ROBO2: variants seen among roughly 807,000 people sequenced by gnomAD.
ROBO2 encodes roundabout guidance receptor 2, also known as roundabout homolog 2.
Under a neutral mutation model 160.8 loss-of-function variants are expected in ROBO2, and 53 were observed. That is an observed-to-expected ratio of 0.33 (90% confidence interval 0.26 to 0.41). The LOEUF is 0.41. Among genes scored for constraint, ROBO2 ranks in the 10% least tolerant of loss-of-function variants. The probability of loss-of-function intolerance (pLI) is 1.00; values close to 1 mark genes in which losing one functional copy is unlikely to be tolerated. For missense variants in ROBO2, 1,577 were observed against 1,722.4 expected, an observed-to-expected ratio of 0.92 and a Z score of 1.49; for synonymous variants, 664 against 611.7, an observed-to-expected ratio of 1.09 and a Z score of -1.26.
At chr3:77,617,130 A>ATGC (rs10699107) in intron 21 of ROBO2, among the ~76,000 whole-genome samples, 1 of 151,836 alleles carries the variant, frequency 6.6e-6, no homozygotes, top group Non-Finnish European at 1.5e-5. Context: ...TTGGCATGTA[A>ATGC]TGGTGCACAA....
At chr3:76,302,369 C>A (rs946763334) in intron 2 of ROBO2, among the ~76,000 whole-genome samples, 4 of 152,032 alleles carry the variant, frequency 2.6e-5, no homozygotes, top group Admixed American at 1.3e-4. Context: ...GCAACAGTTG[C>A]ATCTGTTGTC....
intron 2 of ROBO2, among the ~76,000 whole-genome samples, chr3:77,014,343 C>G (rs982468017): frequency 6.6e-6 from 1 of 152,086 alleles, no homozygotes; most frequent in Non-Finnish European, 1.5e-5. Flanking sequence ...ACTAGAAGAC[C>G]CTGGTAAAAC....
At chr3:76,340,469 T>C (rs1293800371) in intron 2 of ROBO2, among the ~76,000 whole-genome samples, 1 of 152,120 alleles carries the variant, frequency 6.6e-6, no homozygotes. Context: ...ATAATATGAG[T>C]ATAAAAATAT....
chr3:77,515,452 T>A (rs2089911742), intron 5 of ROBO2, among the ~76,000 whole-genome samples: 1 of 151,754 alleles, frequency 6.6e-6, no homozygotes, highest in Admixed American at 6.6e-5. Context: ...GTTTAAATAA[T>A]TTTAAAATAT....
chr3:77,131,008 T>C (rs2075808295), intron 2 of ROBO2, among the ~76,000 whole-genome samples: 1 of 152,248 alleles, frequency 6.6e-6, no homozygotes, highest in South Asian at 2.1e-4. Flanking sequence ...AATTTCTTAC[T>C]GCTTTTTCCT....
intron 2 of ROBO2, among the ~76,000 whole-genome samples, chr3:77,265,001 T>C (rs145538046): frequency 1.4e-3 from 209 of 152,284 alleles, no homozygotes; most frequent in African/African-American, 4.6e-3. Context: ...GATTGATGAT[T>C]GCCCATTTTG....
intron 2 of ROBO2, among the ~76,000 whole-genome samples, chr3:76,793,781 T>C (rs2063516713): frequency 6.6e-6 from 1 of 151,888 alleles, no homozygotes; most frequent in African/African-American, 2.4e-5. Context: ...CTATTTTGAC[T>C]CCATTCCCTC....
chr3:77,355,769 A>T (rs750052879), intron 2 of ROBO2, among the ~76,000 whole-genome samples: 9 of 152,196 alleles, frequency 5.9e-5, no homozygotes, highest in Non-Finnish European at 1.3e-4. Context: ...GAAAAATTAC[A>T]ATATGAAAAA....
intron 2 of ROBO2, among the ~76,000 whole-genome samples, chr3:76,452,911 T>C (rs1486586580): frequency 2.0e-5 from 3 of 152,198 alleles, no homozygotes; most frequent in Admixed American, 2.0e-4. Flanking sequence ...TGATTTGCAT[T>C]TCTCTGATGG....
At chr3:77,424,434 T>G (rs1328970006) in intron 2 of ROBO2, among the ~76,000 whole-genome samples, 2 of 152,200 alleles carry the variant, frequency 1.3e-5, no homozygotes, top group African/African-American at 4.8e-5. Flanking sequence ...TTGTTGGCTT[T>G]CTTATTTTGA....
At chr3:76,462,787 G>A (rs1004216707) in intron 2 of ROBO2, among the ~76,000 whole-genome samples, 2 of 152,036 alleles carry the variant, frequency 1.3e-5, no homozygotes, top group East Asian at 1.9e-4. Flanking sequence ...AATTACTGTC[G>A]GTCATTGTCA....
At chr3:77,286,372 T>C (rs1408314629) in intron 2 of ROBO2, among the ~76,000 whole-genome samples, 1 of 150,902 alleles carries the variant, frequency 6.6e-6, no homozygotes, top group African/African-American at 2.4e-5. Context: ...TTCTTTTGCC[T>C]CAGCCTTCCG....
Position 77,557,346 on chromosome 3 carries a change from T to C in ROBO2, c.1232-598T>C, listed in dbSNP as rs544806105. Among the ~76,000 whole-genome samples the C allele has an allele frequency of 9.7e-4, 147 of 152,102 alleles. 1 individual carries two copies. The highest frequency in any genetic ancestry group is 3.4e-3 in the African/African-American group (143 of 41,546). ...TAATTAAATCAAATCATCCAAATGA[T>C]ATGACTGTAATTTGATGAGCTCATG... On this transcript the variant is annotated intron_variant, in intron 8 of 25. Transcript: ENST00000461745.
chr3:76,680,764 ATTTTAT>A (rs984352950), intron 2 of ROBO2, among the ~76,000 whole-genome samples: 4 of 151,960 alleles, frequency 2.6e-5, no homozygotes, highest in Admixed American at 2.6e-4. Context: ...TATAATTTAT[ATTTTAT>A]TTTTATTTTT....
At position 77,098,282 on chromosome 3, in the gene ROBO2, T is replaced by C. The variant is rs769983776; in HGVS notation, c.330T>C (p.Cys110=). 5.6e-6 allele frequency: 9 copies of C among 1,614,192 alleles called. No homozygotes were observed. Among genetic ancestry groups the C allele is most frequent in the Admixed American group, 5.0e-5 (3 of 60,022 alleles). Residue 110 remains cysteine, a synonymous_variant, in exon 2 of 26, where the codon TGT becomes TGC. Transcript: ENST00000461745. ...AACCTGATGAAGGAAGCTACGTTTG[T>C]GTTGCGAGGAACTATCTTGGTGAAG...
intron 2 of ROBO2, among the ~76,000 whole-genome samples, chr3:76,024,060 T>TTA (rs979799749): frequency 2.0e-5 from 3 of 151,416 alleles, no homozygotes; most frequent in Non-Finnish European, 3.0e-5. Flanking sequence ...ATCTCATTAG[T>TTA]TATATATATA....
intron 2 of ROBO2, among the ~76,000 whole-genome samples, chr3:76,908,535 A>G (rs1405351478): frequency 6.6e-6 from 1 of 152,212 alleles, no homozygotes; most frequent in East Asian, 1.9e-4. Flanking sequence ...GTTTGTCAAC[A>G]CAACTTCACA....
At chr3:76,795,794 G>T (rs1447038729) in intron 2 of ROBO2, among the ~76,000 whole-genome samples, 1 of 152,064 alleles carries the variant, frequency 6.6e-6, no homozygotes, top group African/African-American at 2.4e-5. Flanking sequence ...CTTTTCAGAA[G>T]GTTTTCAAAG....
chr3:76,817,188 TG>T lies in ROBO2; in HGVS notation c.110-280825del, dbSNP rs1158346195. Reference sequence around the variant, plus strand: ...GTGTAGCAAACCTGCATGTTCTGCATGTTTCCCATAACTTAAAGTGTAATAA... The same window carrying T: ...GTGTAGCAAACCTGCATGTTCTGCATTTTCCCATAACTTAAAGTGTAATAA... On this transcript the variant is annotated intron_variant, in intron 2 of 26. Transcript: ENST00000487694. 2.6e-5 allele frequency among the ~76,000 whole-genome samples: 4 copies of T among 152,066 alleles called. No individual in the cohort carries two copies. The East Asian group carries it at 5.8e-4, about 22-fold the overall frequency.
Sources: allele counts gnomAD v4.1 joint callset (sites outside exome capture counted in the v4.1 genomes callset), GRCh38; gene constraint gnomAD v4.1.1; transcripts MANE v1.5; gene names NCBI Gene and HGNC (gene_info 2026-07-23, HGNC 2026-07-21).